Variants in ARMC2 observed in about 807,000 individuals in gnomAD.
ARMC2 encodes the protein armadillo repeat-containing protein 2.
ARMC2 carries 67 observed loss-of-function variants against 90.3 expected under a neutral mutation model. The ratio of observed to expected loss-of-function variants is 0.74; its 90% CI spans 0.61 to 0.91. The LOEUF (loss-of-function observed/expected upper bound fraction) is 0.91. Among genes scored for constraint, ARMC2 ranks in the 40% least tolerant of loss-of-function variants. ARMC2 has a pLI of 0.00. For synonymous variants in ARMC2, 393 were observed against 393.0 expected (o/e 1.00, Z 0.00); for missense variants, 920 against 1,030.9 (o/e 0.89, Z 1.47).
At chr6:108,857,694 T>G (rs1163182740) in intron 2 of ARMC2, among the ~76,000 whole-genome samples, 1 of 152,228 alleles carries the variant, frequency 6.6e-6, no homozygotes, top group Non-Finnish European at 1.5e-5. Flanking sequence ...ATTTTTATTA[T>G]GAATGAGTGT....
intron 17 of ARMC2, among the ~76,000 whole-genome samples, chr6:108,966,902 T>G (rs1029594946): frequency 6.6e-5 from 10 of 152,192 alleles, no homozygotes; most frequent in African/African-American, 2.4e-4. Flanking sequence ...TGAGAGCCCC[T>G]GCTCTCGTTA....
chr6:109,011,171 T>C, the ARMC2 span, among the ~76,000 whole-genome samples: 1 of 152,238 alleles, frequency 6.6e-6, no homozygotes, highest in Non-Finnish European at 1.5e-5. Context: ...GGGAAAAGCA[T>C]GCATTCAGTT....
intron 12 of ARMC2, among the ~76,000 whole-genome samples, chr6:108,948,264 G>C (rs534308912): frequency 6.0e-4 from 92 of 152,144 alleles, no homozygotes; most frequent in African/African-American, 2.1e-3. Flanking sequence ...GAGGAGAGGG[G>C]CCCTAGAAAG....
chr6:108,887,386 G>A (rs1403719264), intron 5 of ARMC2, among the ~76,000 whole-genome samples: 15 of 152,184 alleles, frequency 9.9e-5, no homozygotes, highest in Admixed American at 9.8e-4. Flanking sequence ...TGAAATGTAG[G>A]ACCCTCCTCA....
chr6:108,897,881 C>T (rs774489866), intron 6 of ARMC2, among the ~76,000 whole-genome samples: 1 of 151,890 alleles, frequency 6.6e-6, no homozygotes, highest in Non-Finnish European at 1.5e-5. Flanking sequence ...TATTTTAATC[C>T]ATATTAATAT....
intron 10 of ARMC2, among the ~76,000 whole-genome samples, chr6:108,921,510 A>G (rs1299042406): frequency 1.1e-5 from 1 of 87,064 alleles, no homozygotes; most frequent in East Asian, 2.3e-4. Context: ...AAGCTTAGAC[A>G]TGCATGTTAC....
the ARMC2 span, chr6:109,001,278 G>A: frequency 3.0e-4 from 477 of 1,609,578 alleles, no homozygotes; most frequent in Non-Finnish European, 3.8e-4. Flanking sequence ...TTCACTGAAT[G>A]TTTACAAACC....
the ARMC2 span, among the ~76,000 whole-genome samples, chr6:109,035,859 C>T: frequency 1.3e-5 from 2 of 152,192 alleles, no homozygotes; most frequent in African/African-American, 2.4e-5. Context: ...CCTCCTGCCT[C>T]AGCCTCCTGA....
At chr6:108,911,434 TTA>T (rs1474844544) in intron 9 of ARMC2, among the ~76,000 whole-genome samples, 4 of 152,186 alleles carry the variant, frequency 2.6e-5, no homozygotes, top group Non-Finnish European at 4.4e-5. Flanking sequence ...GGAAGTTTTA[TTA>T]TACCTTATCT....
intron 13 of ARMC2, among the ~76,000 whole-genome samples, chr6:108,960,200 T>G (rs981192438): frequency 1.3e-5 from 2 of 152,160 alleles, no homozygotes; most frequent in Non-Finnish European, 2.9e-5. Flanking sequence ...TACCCAATTA[T>G]GTGCACCGGC....
the ARMC2 span, among the ~76,000 whole-genome samples, chr6:109,034,215 C>G: frequency 1.3e-5 from 2 of 152,154 alleles, no homozygotes; most frequent in African/African-American, 4.8e-5. Flanking sequence ...GACTTTACTC[C>G]TCCTCTTTGT....
chr6:108,854,773 G>A (rs745728393), intron 2 of ARMC2, among the ~76,000 whole-genome samples: 1 of 152,120 alleles, frequency 6.6e-6, no homozygotes, highest in Admixed American at 6.5e-5. Flanking sequence ...TCACATTGGC[G>A]TTCACTCTTG....
At chr6:108,899,967 A>C (rs1293370996) in intron 7 of ARMC2, among the ~76,000 whole-genome samples, 175 bp downstream of exon 7, 3 of 152,204 alleles carry the variant, frequency 2.0e-5, no homozygotes, top group African/African-American at 7.2e-5. Flanking sequence ...TGTGTGTTAA[A>C]TATTACATGC....
chr6:109,031,708 A>C, the ARMC2 span, among the ~76,000 whole-genome samples: 318 of 152,306 alleles, frequency 2.1e-3, 1 homozygote, highest in Non-Finnish European at 2.9e-3. Context: ...GAAATGGCCC[A>C]TCTTTTTCCA....
intron 11 of ARMC2, among the ~76,000 whole-genome samples, chr6:108,931,433 A>G (rs142047629): frequency 6.6e-6 from 1 of 152,034 alleles, no homozygotes; most frequent in Non-Finnish European, 1.5e-5. Context: ...CTCTGGGTAT[A>G]TACCCAGTAA....
chr6:109,037,686 A>G, the ARMC2 span, among the ~76,000 whole-genome samples: 2 of 152,196 alleles, frequency 1.3e-5, no homozygotes, highest in Admixed American at 6.5e-5. Flanking sequence ...ATCATATTAT[A>G]GTTTTTAGAA....
intron 4 of ARMC2, among the ~76,000 whole-genome samples, chr6:108,873,876 A>G (rs562742726): frequency 6.6e-6 from 1 of 152,172 alleles, no homozygotes; most frequent in Non-Finnish European, 1.5e-5. Flanking sequence ...GGCTTCATTT[A>G]TCTCTTTACA....
intron 13 of ARMC2, among the ~76,000 whole-genome samples, chr6:108,955,717 G>A (rs1170008248): frequency 6.6e-6 from 1 of 152,218 alleles, no homozygotes; most frequent in Non-Finnish European, 1.5e-5. Context: ...ATTAAGCCAC[G>A]TGGAAGAAAA....
intron 8 of ARMC2, among the ~76,000 whole-genome samples, chr6:108,910,627 C>G (rs1773322611): frequency 6.6e-6 from 1 of 152,124 alleles, no homozygotes; most frequent in Non-Finnish European, 1.5e-5. Flanking sequence ...TATCTGCACT[C>G]CTATGTTTAT....
Sources: allele counts gnomAD v4.1 joint callset (sites outside exome capture counted in the v4.1 genomes callset), GRCh38; gene constraint gnomAD v4.1.1; transcripts MANE v1.5; gene names NCBI Gene and HGNC (gene_info 2026-07-23, HGNC 2026-07-21).